The following TBC1D32 variants were observed in gnomAD, a reference collection of about 807,000 sequenced individuals.
TBC1D32 encodes TBC1 domain family member 32.
TBC1D32 carries 151 observed loss-of-function variants against 170.3 expected under a neutral mutation model. The ratio of observed to expected loss-of-function variants is 0.89; its 90% CI spans 0.78 to 1.01. TBC1D32 has a LOEUF of 1.01. Ranked by LOEUF, TBC1D32 falls within the 50% of genes least tolerant of loss-of-function variation. The probability of loss-of-function intolerance (pLI) is 0.00; values close to 1 mark genes in which losing one functional copy is unlikely to be tolerated. For synonymous variants in TBC1D32, 498 were observed against 488.0 expected (o/e 1.02, Z -0.27); for missense variants, 1,464 against 1,457.1 (o/e 1.00, Z -0.08).
At chr6:121,112,795 T>C (rs1275535938) in intron 28 of TBC1D32, 136 bp from the exon 29 acceptor site, 1 of 861,338 alleles carries the variant, frequency 1.2e-6, no homozygotes, top group African/African-American at 1.8e-5. Context: ...AGTTTTTAAA[T>C]ATTCTTAGAC....
intron 13 of TBC1D32, among the ~76,000 whole-genome samples, chr6:121,282,772 T>C (rs1048606341): frequency 5.3e-5 from 8 of 151,778 alleles, no homozygotes; most frequent in Non-Finnish European, 7.4e-5. Flanking sequence ...TAAACCAATA[T>C]ATAAACAAGT....
At chr6:121,258,955 T>C (rs1451766955) in intron 15 of TBC1D32, among the ~76,000 whole-genome samples, 1 of 150,644 alleles carries the variant, frequency 6.6e-6, no homozygotes, top group Non-Finnish European at 1.5e-5. Flanking sequence ...TTAACTTCAA[T>C]GTGAGGGAGA....
Position 121,334,363 on chromosome 6 carries a change from A to G in TBC1D32, c.68T>C (p.Val23Ala). Reference protein sequence around the residue: ...QAMLRRLFQSVKEKITGAPSL... With the variant: ...QAMLRRLFQSAKEKITGAPSL... ...AGGGGCACCCGTGATTTTCTCCTTC[A>G]CGCTCTGGAACAACCGCCTCAGCAT... Residue 23 changes from valine to alanine, a missense_variant, in exon 1 of 32, where the codon GTG becomes GCG. Transcript: ENST00000398212. 6.2e-7 allele frequency: 1 copy of G among 1,614,132 alleles called. No homozygotes were observed. Among genetic ancestry groups the G allele is most frequent in the South Asian group, 1.1e-5 (1 of 91,072 alleles).
intron 3 of TBC1D32, among the ~76,000 whole-genome samples, chr6:121,314,985 G>T (rs1187627496): frequency 6.6e-6 from 1 of 152,104 alleles, no homozygotes; most frequent in Non-Finnish European, 1.5e-5. Flanking sequence ...TCCCTATACG[G>T]GAAGTAGTAT....
intron 24 of TBC1D32, among the ~76,000 whole-genome samples, chr6:121,137,703 A>AAAAATGT (rs975889158): frequency 6.6e-6 from 1 of 151,930 alleles, no homozygotes; most frequent in African/African-American, 2.4e-5. Flanking sequence ...AGAGTATATT[A>AAAAATGT]AAAATGTAAG....
At chr6:121,084,504 C>T (rs2133993) in intron 31 of TBC1D32, among the ~76,000 whole-genome samples, 9,828 of 152,124 alleles carry the variant, frequency 0.065, 620 homozygotes, top group Admixed American at 0.21. Flanking sequence ...TCATGGATTA[C>T]TGACTCCAGT....
intron 15 of TBC1D32, among the ~76,000 whole-genome samples, chr6:121,273,021 A>C (rs1219123018): frequency 6.6e-6 from 1 of 152,114 alleles, no homozygotes; most frequent in East Asian, 1.9e-4. Context: ...AAAAAACCAA[A>C]CACTGCATGT....
At chr6:121,098,453 A>C (rs1351161414) in intron 30 of TBC1D32, among the ~76,000 whole-genome samples, 6 of 151,956 alleles carry the variant, frequency 3.9e-5, no homozygotes, top group Non-Finnish European at 8.8e-5. Context: ...TGACCTCCGC[A>C]AGTCAATTCA....
intron 21 of TBC1D32, among the ~76,000 whole-genome samples, chr6:121,222,497 C>A (rs1554275475): frequency 1.3e-5 from 2 of 151,434 alleles, no homozygotes; most frequent in Non-Finnish European, 2.9e-5. Flanking sequence ...AAAAGTTTCC[C>A]AAAGTAGACA....
chr6:121,222,578 T>C (rs1794646977), intron 21 of TBC1D32, among the ~76,000 whole-genome samples: 3 of 77,880 alleles, frequency 3.9e-5, no homozygotes, highest in South Asian at 6.3e-4. Context: ...ACTATGTTTA[T>C]GAAAAAAAAA....
chr6:121,229,667 A>G (rs1184815861), intron 20 of TBC1D32, among the ~76,000 whole-genome samples: 1 of 152,140 alleles, frequency 6.6e-6, no homozygotes, highest in Non-Finnish European at 1.5e-5. Flanking sequence ...GCAAATGATG[A>G]CGTTCTACTT....
chr6:121,121,323 G>A (rs1435102997), intron 26 of TBC1D32, among the ~76,000 whole-genome samples: 1 of 151,920 alleles, frequency 6.6e-6, no homozygotes, highest in African/African-American at 2.4e-5. Flanking sequence ...AGGCAAATGC[G>A]CAGAATGTGT....
At chr6:121,248,992 A>G (rs1797966010) in intron 17 of TBC1D32, among the ~76,000 whole-genome samples, 1 of 151,930 alleles carries the variant, frequency 6.6e-6, no homozygotes, top group Non-Finnish European at 1.5e-5. Flanking sequence ...AAAGGACATA[A>G]CATAAAAAGA....
intron 17 of TBC1D32, among the ~76,000 whole-genome samples, chr6:121,249,206 AATT>A (rs143137790): frequency 0.087 from 13,215 of 151,052 alleles, 721 homozygotes; most frequent in East Asian, 0.21. Context: ...AAAACAATAA[AATT>A]ATTATTATTA....
intron 31 of TBC1D32, among the ~76,000 whole-genome samples, chr6:121,084,763 T>C (rs1776012017): frequency 6.6e-6 from 1 of 151,932 alleles, no homozygotes. Context: ...ATAAGGCCTT[T>C]TGCAGTAGTA....
At chr6:121,276,089 C>T (rs1010598445) in intron 15 of TBC1D32, among the ~76,000 whole-genome samples, 4 of 148,026 alleles carry the variant, frequency 2.7e-5, no homozygotes, top group Non-Finnish European at 5.9e-5. Context: ...CACAGCACTC[C>T]AGCCTGGGCA....
At chr6:121,237,479 T>A (rs967607233) in intron 20 of TBC1D32, among the ~76,000 whole-genome samples, 12 of 151,972 alleles carry the variant, frequency 7.9e-5, no homozygotes, top group African/African-American at 2.9e-4. Context: ...TTTAGTCAAA[T>A]GTATTTCTGA....
At chr6:121,102,250 T>C (rs1778192588) in intron 30 of TBC1D32, among the ~76,000 whole-genome samples, 1 of 152,130 alleles carries the variant, frequency 6.6e-6, no homozygotes. Flanking sequence ...TTAAAGTTCA[T>C]GTGGAACCAG....
At chr6:121,230,183 A>C (rs538243274) in intron 20 of TBC1D32, among the ~76,000 whole-genome samples, 9 of 152,172 alleles carry the variant, frequency 5.9e-5, no homozygotes, top group Admixed American at 3.9e-4. Flanking sequence ...ACAAGTTTCA[A>C]GATAATCAAT....
Sources: gnomAD v4.1 joint callset for allele counts (sites outside exome capture counted in the v4.1 genomes callset) on GRCh38, gnomAD v4.1.1 for gene constraint, MANE v1.5 for transcripts, NCBI Gene and HGNC (gene_info 2026-07-23, HGNC 2026-07-21) for gene names.